The following PTPRD variants were observed in gnomAD, a reference collection of about 807,000 sequenced individuals.
PTPRD encodes protein tyrosine phosphatase receptor type D.
In PTPRD, 34 loss-of-function variants were observed where a neutral mutation model predicts 214.5. That is an observed-to-expected ratio of 0.16 (90% CI 0.12 to 0.21). The LOEUF (loss-of-function observed/expected upper bound fraction) is 0.21, where lower values mean the gene tolerates loss of function less well. Among genes scored for constraint, PTPRD ranks in the 10% least tolerant of loss-of-function variants. The pLI is 1.00. For missense variants in PTPRD, 2,545 were observed against 2,398.7 expected, an observed-to-expected ratio of 1.06 and a Z score of -1.27; for synonymous variants, 1,128 against 845.7, an observed-to-expected ratio of 1.33 and a Z score of -5.79.
chr9:9,910,869 T>C (rs1427342127), intron 5 of PTPRD, among the ~76,000 whole-genome samples: 2 of 152,046 alleles, frequency 1.3e-5, no homozygotes, highest in Admixed American at 6.6e-5. Flanking sequence ...CACTCTAAAG[T>C]GATTTCAATC....
chr9:10,516,432 G>A (rs1174369144), intron 2 of PTPRD, among the ~76,000 whole-genome samples: 2 of 151,626 alleles, frequency 1.3e-5, no homozygotes, highest in East Asian at 3.8e-4. Flanking sequence ...TAGATTTTTG[G>A]AAATGAGCTG....
chr9:9,466,458 A>G (rs552774958), intron 8 of PTPRD, among the ~76,000 whole-genome samples: 1 of 152,348 alleles, frequency 6.6e-6, no homozygotes, highest in South Asian at 2.1e-4. Flanking sequence ...ACTGTAGAAA[A>G]AAATAATTCT....
At chr9:10,415,944 C>A (rs945943763) in intron 2 of PTPRD, among the ~76,000 whole-genome samples, 13 of 151,934 alleles carry the variant, frequency 8.6e-5, no homozygotes, top group African/African-American at 3.1e-4. Context: ...CTAAGCAGCA[C>A]AGAGCCAAGA....
intron 4 of PTPRD, among the ~76,000 whole-genome samples, chr9:9,947,651 T>C (rs901682244): frequency 2.0e-5 from 2 of 100,666 alleles, no homozygotes; most frequent in African/African-American, 3.8e-5. Context: ...TATATATATA[T>C]ACACCATGGC....
intron 2 of PTPRD, among the ~76,000 whole-genome samples, chr9:10,427,894 G>C (rs991255953): frequency 1.3e-5 from 2 of 151,994 alleles, no homozygotes; most frequent in Non-Finnish European, 1.5e-5. Flanking sequence ...AAATGGAGTA[G>C]AGAACACATT....
intron 11 of PTPRD, among the ~76,000 whole-genome samples, chr9:8,995,427 C>G (rs911491190): frequency 1.3e-5 from 2 of 151,984 alleles, no homozygotes; most frequent in African/African-American, 4.8e-5. Context: ...CATTGAAACT[C>G]GCTGCTGGGA....
At chr9:10,441,001 G>T (rs973419968) in intron 2 of PTPRD, among the ~76,000 whole-genome samples, 1 of 151,596 alleles carries the variant, frequency 6.6e-6, no homozygotes, top group Non-Finnish European at 1.5e-5. Context: ...CAAAGAAATA[G>T]CAAAAATATT....
chr9:9,192,651 A>AGT (rs1180139109), intron 9 of PTPRD, among the ~76,000 whole-genome samples: 13 of 152,090 alleles, frequency 8.5e-5, no homozygotes, highest in Non-Finnish European at 1.8e-4. Context: ...CCTGCCTGAA[A>AGT]CCAGAGCTGC....
At chr9:9,117,114 T>G (rs1248142132) in intron 10 of PTPRD, among the ~76,000 whole-genome samples, 1 of 152,110 alleles carries the variant, frequency 6.6e-6, no homozygotes, top group Non-Finnish European at 1.5e-5. Context: ...GGACACTGAA[T>G]AGAAACTCTG....
intron 5 of PTPRD, among the ~76,000 whole-genome samples, chr9:9,893,538 A>G (rs1439132116): frequency 1.3e-5 from 2 of 152,164 alleles, no homozygotes; most frequent in Non-Finnish European, 2.9e-5. Flanking sequence ...AGGAAATATA[A>G]AAGTTTATAT....
At chr9:9,290,261 T>C (rs1950728785) in intron 9 of PTPRD, among the ~76,000 whole-genome samples, 1 of 151,762 alleles carries the variant, frequency 6.6e-6, no homozygotes, top group African/African-American at 2.4e-5. Context: ...TGTCTTCCTT[T>C]GAAAAATGTC....
chr9:10,341,437 TAAA>T (rs200442344), intron 2 of PTPRD, among the ~76,000 whole-genome samples: 4,898 of 152,018 alleles, frequency 0.032, 145 homozygotes, highest in South Asian at 0.14. Flanking sequence ...ATGTGGCTCA[TAAA>T]AGATAATATA....
intron 11 of PTPRD, among the ~76,000 whole-genome samples, chr9:8,858,990 G>A (rs538086611): frequency 1.3e-5 from 2 of 152,158 alleles, no homozygotes; most frequent in Admixed American, 6.5e-5. Flanking sequence ...GCGTCCCAGC[G>A]CAAAGGAGGA....
chr9:8,995,878 C>A (rs1462546123), intron 11 of PTPRD, among the ~76,000 whole-genome samples: 1 of 151,996 alleles, frequency 6.6e-6, no homozygotes, highest in Non-Finnish European at 1.5e-5. Flanking sequence ...AGAAAAAGTT[C>A]AAAGAGCAAA....
chr9:8,836,182 T>C lies in PTPRD; in HGVS notation c.-103-102236A>G, dbSNP rs1452906967. ...GTGGCTAAATTGGAAAATAACAATA[T>C]AATATAACCAAAGTTAGTGACCTTG... On this transcript the variant is annotated intron_variant, in intron 11 of 45. Transcript: ENST00000381196. 2.0e-5 allele frequency among the ~76,000 whole-genome samples: 3 copies of C among 152,282 alleles called. No homozygotes were observed. The East Asian group carries it at 5.8e-4, about 29-fold the overall frequency.
intron 6 of PTPRD, among the ~76,000 whole-genome samples, chr9:9,750,035 T>A (rs533486930): frequency 6.6e-6 from 1 of 152,254 alleles, no homozygotes; most frequent in East Asian, 1.9e-4. Flanking sequence ...GGTATTTTAA[T>A]TGAAAACAAC....
chr9:9,003,988 T>C (rs2099439542), intron 11 of PTPRD, among the ~76,000 whole-genome samples: 1 of 152,056 alleles, frequency 6.6e-6, no homozygotes, highest in South Asian at 2.1e-4. Flanking sequence ...CTAGGTCTCA[T>C]CTCACTATAA....
chr9:9,070,495 C>A (rs973392830), intron 10 of PTPRD, among the ~76,000 whole-genome samples: 7 of 151,984 alleles, frequency 4.6e-5, no homozygotes, highest in Non-Finnish European at 8.8e-5. Context: ...AATAATATGC[C>A]TGAAGTTGAA....
At chr9:9,041,375 G>A (rs533743353) in intron 10 of PTPRD, among the ~76,000 whole-genome samples, 6 of 151,854 alleles carry the variant, frequency 4.0e-5, no homozygotes, top group African/African-American at 1.2e-4. Flanking sequence ...CACCCTCCAC[G>A]CTCTGATAGG....
Sources: allele counts gnomAD v4.1 joint callset (sites outside exome capture counted in the v4.1 genomes callset), GRCh38; gene constraint gnomAD v4.1.1; transcripts MANE v1.5; gene names NCBI Gene and HGNC (gene_info 2026-07-23, HGNC 2026-07-21).